Variants in ARHGAP15 observed in about 807,000 individuals in gnomAD.
ARHGAP15 encodes the protein Rho GTPase activating protein 15, also known as rho GTPase-activating protein 15.
In ARHGAP15, 51 loss-of-function variants were observed where a neutral mutation model predicts 63.7. That is an observed-to-expected ratio of 0.80 (90% confidence interval 0.64 to 1.01). ARHGAP15 has a LOEUF of 1.01. Among genes scored for constraint, ARHGAP15 ranks in the 50% least tolerant of loss-of-function variants. The probability of loss-of-function intolerance (pLI) is 0.00; values close to 1 mark genes in which losing one functional copy is unlikely to be tolerated. For synonymous variants in ARHGAP15, 191 were observed against 193.8 expected (o/e 0.99, Z 0.12); for missense variants, 560 against 564.6 (o/e 0.99, Z 0.08).
chr2:143,666,155 C>G (rs1225454703), intron 12 of ARHGAP15, among the ~76,000 whole-genome samples: 2 of 151,530 alleles, frequency 1.3e-5, no homozygotes, highest in Non-Finnish European at 2.9e-5. Flanking sequence ...ATCACACTAC[C>G]TGACTTCAAA....
At chr2:143,290,477 G>A (rs1682337606) in intron 6 of ARHGAP15, among the ~76,000 whole-genome samples, 1 of 151,822 alleles carries the variant, frequency 6.6e-6, no homozygotes, top group Non-Finnish European at 1.5e-5. Flanking sequence ...ATTGATGCAT[G>A]CCAGAATGTG....
At chr2:143,578,741 G>A (rs1264289562) in intron 11 of ARHGAP15, among the ~76,000 whole-genome samples, 2 of 152,122 alleles carry the variant, frequency 1.3e-5, no homozygotes, top group African/African-American at 2.4e-5. Context: ...GTATCCAGCA[G>A]TTTAAAAATT....
intron 3 of ARHGAP15, among the ~76,000 whole-genome samples, chr2:143,212,616 C>T (rs1692604273): frequency 6.6e-6 from 1 of 152,042 alleles, no homozygotes; most frequent in Non-Finnish European, 1.5e-5. Context: ...GAGACAAGAC[C>T]ATCTGAGCTC....
At chr2:143,507,986 C>T (rs184704515) in intron 9 of ARHGAP15, among the ~76,000 whole-genome samples, 10 of 151,516 alleles carry the variant, frequency 6.6e-5, no homozygotes, top group African/African-American at 2.2e-4. Flanking sequence ...AGGCTTCACA[C>T]GGCAATTAGA....
At chr2:143,479,911 G>A (rs974774011) in intron 8 of ARHGAP15, among the ~76,000 whole-genome samples, 1 of 151,772 alleles carries the variant, frequency 6.6e-6, no homozygotes, top group African/African-American at 2.4e-5. Context: ...CTTATAAAAG[G>A]AAACCAGATA....
chr2:143,539,680 T>C (rs1694953511), intron 10 of ARHGAP15, among the ~76,000 whole-genome samples: 3 of 152,286 alleles, frequency 2.0e-5, no homozygotes, highest in African/African-American at 4.8e-5. Flanking sequence ...TTCCATGTAG[T>C]TGAGCAGTTT....
intron 6 of ARHGAP15, among the ~76,000 whole-genome samples, chr2:143,301,632 AC>A (rs1310559815): frequency 6.6e-6 from 1 of 151,954 alleles, no homozygotes; most frequent in Non-Finnish European, 1.5e-5. Flanking sequence ...CTAATATAGC[AC>A]CATTTCTGGG....
chr2:143,604,149 C>T (rs368705365), intron 11 of ARHGAP15, among the ~76,000 whole-genome samples: 3 of 152,206 alleles, frequency 2.0e-5, no homozygotes, highest in African/African-American at 4.8e-5. Flanking sequence ...GATCCTCAGG[C>T]TCAAATGCAG....
chr2:143,255,516 T>C (rs1000158076), intron 6 of ARHGAP15, among the ~76,000 whole-genome samples: 1 of 152,160 alleles, frequency 6.6e-6, no homozygotes, highest in African/African-American at 2.4e-5. Flanking sequence ...ATGCATTACA[T>C]TTAAACATAA....
chr2:143,364,937 C>T (rs1452209405), intron 6 of ARHGAP15, among the ~76,000 whole-genome samples: 1 of 152,068 alleles, frequency 6.6e-6, no homozygotes. Context: ...AACCAGGAGG[C>T]GGAGGTTGCA....
chr2:143,261,837 G>A (rs1680738843), intron 6 of ARHGAP15, among the ~76,000 whole-genome samples: 1 of 152,176 alleles, frequency 6.6e-6, no homozygotes, highest in South Asian at 2.1e-4. Flanking sequence ...AGGAAGAAAA[G>A]CCAATGCAGA....
intron 5 of ARHGAP15, among the ~76,000 whole-genome samples, chr2:143,235,102 A>G (rs1693590672): frequency 6.6e-6 from 1 of 152,170 alleles, no homozygotes; most frequent in Non-Finnish European, 1.5e-5. Flanking sequence ...TCATAAGAAT[A>G]TGTATTGAAA....
intron 6 of ARHGAP15, among the ~76,000 whole-genome samples, chr2:143,419,748 A>G (rs1020663664): frequency 6.6e-6 from 1 of 152,112 alleles, no homozygotes; most frequent in African/African-American, 2.4e-5. Context: ...TTTGAGTACT[A>G]TGATTAGAAG....
intron 9 of ARHGAP15, among the ~76,000 whole-genome samples, chr2:143,503,889 G>T (rs1239724818): frequency 2.6e-5 from 4 of 152,280 alleles, no homozygotes; most frequent in Non-Finnish European, 5.9e-5. Context: ...ACAAAGCAAG[G>T]TCCCCAGGAA....
chr2:143,704,769 A>C (rs1224921991), intron 13 of ARHGAP15, among the ~76,000 whole-genome samples: 1 of 152,172 alleles, frequency 6.6e-6, no homozygotes, highest in Non-Finnish European at 1.5e-5. Flanking sequence ...CTCCTTAAAC[A>C]CCTCAATCAC....
At chr2:143,708,359 T>C (rs745869566) in intron 13 of ARHGAP15, among the ~76,000 whole-genome samples, 2 of 152,202 alleles carry the variant, frequency 1.3e-5, no homozygotes, top group Non-Finnish European at 1.5e-5. Flanking sequence ...GAAATAAATA[T>C]AGCAAGAATT....
At chr2:143,694,295 G>C (rs902732969) in intron 12 of ARHGAP15, among the ~76,000 whole-genome samples, 2 of 152,140 alleles carry the variant, frequency 1.3e-5, no homozygotes, top group Non-Finnish European at 2.9e-5. Context: ...TTTATAATGA[G>C]AAAAGGTATC....
chr2:143,701,339 CTT>C (rs1368677898), intron 12 of ARHGAP15, among the ~76,000 whole-genome samples: 1 of 152,160 alleles, frequency 6.6e-6, no homozygotes, highest in Non-Finnish European at 1.5e-5. Context: ...TTGAATTGGA[CTT>C]TTGTAAGTAC....
At chr2:143,228,832 G>T (rs1693326296) in intron 5 of ARHGAP15, among the ~76,000 whole-genome samples, 164 bp downstream of exon 5, 1 of 152,156 alleles carries the variant, frequency 6.6e-6, no homozygotes, top group African/African-American at 2.4e-5. Flanking sequence ...AGGGAAAATA[G>T]AACTTAGTGT....
Sources: gnomAD v4.1 joint callset for allele counts (sites outside exome capture counted in the v4.1 genomes callset) on GRCh38, gnomAD v4.1.1 for gene constraint, MANE v1.5 for transcripts, NCBI Gene and HGNC (gene_info 2026-07-23, HGNC 2026-07-21) for gene names.